Variants in TLL1 observed in about 807,000 individuals in gnomAD.
TLL1 encodes tolloid like 1.
Under a neutral mutation model 128.2 loss-of-function variants are expected in TLL1, and 49 were observed. The observed-to-expected ratio is 0.38, with a 90% CI of 0.30 to 0.48. The LOEUF is 0.48. Ranked by LOEUF, TLL1 falls within the 20% of genes least tolerant of loss-of-function variation. The probability of loss-of-function intolerance (pLI) is 0.96; values close to 1 mark genes in which losing one functional copy is unlikely to be tolerated. For synonymous variants in TLL1, 454 were observed against 418.8 expected, an observed-to-expected ratio of 1.08 and a Z score of -1.03; for missense variants, 1,123 against 1,242.0, an observed-to-expected ratio of 0.90 and a Z score of 1.44.
chr4:166,058,788 G>C (rs974189891), intron 14 of TLL1, among the ~76,000 whole-genome samples: 2 of 152,040 alleles, frequency 1.3e-5, no homozygotes, highest in Non-Finnish European at 2.9e-5. Flanking sequence ...CAAAATGTTA[G>C]TCCTCTGAAA....
chr4:165,995,237 T>A, intron 5 of TLL1, 59 bp downstream of exon 5: 2 of 1,165,674 alleles, frequency 1.7e-6, no homozygotes, highest in Non-Finnish European at 2.6e-6. Context: ...GGAAAACAAT[T>A]AAATGTCCAT....
At chr4:166,045,959 A>T (rs2111098218) in intron 12 of TLL1, among the ~76,000 whole-genome samples, 1 of 152,282 alleles carries the variant, frequency 6.6e-6, no homozygotes, top group East Asian at 1.9e-4. Flanking sequence ...ATTTTTAGTA[A>T]ATTGCACTTC....
At chr4:165,919,266 CCAACTACT>C (rs1212341291) in intron 1 of TLL1, among the ~76,000 whole-genome samples, 2 of 151,022 alleles carry the variant, frequency 1.3e-5, no homozygotes, top group Admixed American at 6.6e-5. Context: ...ACCTGTAGTC[CCAACTACT>C]TGGGAGGCTG....
intron 5 of TLL1, among the ~76,000 whole-genome samples, chr4:165,998,745 C>A (rs1455368153): frequency 6.6e-6 from 1 of 151,058 alleles, no homozygotes; most frequent in Non-Finnish European, 1.5e-5. Context: ...TGCAGTGAGC[C>A]GAGATTGCAC....
intron 9 of TLL1, among the ~76,000 whole-genome samples, chr4:166,036,496 ACG>A (rs1739008084): frequency 6.6e-6 from 1 of 152,170 alleles, no homozygotes; most frequent in Non-Finnish European, 1.5e-5. Context: ...CAATATGTTC[ACG>A]TAAAATAACA....
rs869191830 is a variant in TLL1 at position 165,963,054 on chromosome 4, C to CAAAAA, written c.170-26305_170-26301dup. ...TGGGTGACAGAGCGAGGCTCTGTCT[C>CAAAAA]AAAAAAAAAAAAAAAAAAAAAAAAA... On this transcript the variant is annotated intron_variant, in intron 1 of 20. Coordinates refer to ENST00000061240, the MANE Select transcript of TLL1 (RefSeq NM_012464.5). Among the ~76,000 whole-genome samples, 82 of 18,324 alleles carry CAAAAA rather than the reference C, an allele frequency of 4.5e-3. 13 individuals are homozygous for CAAAAA. Among genetic ancestry groups the CAAAAA allele is most frequent in the African/African-American group, 0.011 (77 of 6,992 alleles). The allele number at this position is 18,324 out of a possible 152,430, so 12.0% of individuals were successfully genotyped here.
At chr4:166,055,517 G>C (rs1000515995) in intron 13 of TLL1, among the ~76,000 whole-genome samples, 1 of 152,102 alleles carries the variant, frequency 6.6e-6, no homozygotes, top group Non-Finnish European at 1.5e-5. Context: ...AAAACAGCAA[G>C]TTCCAGAAAA....
At chr4:165,981,004 T>C (rs1736124390) in intron 1 of TLL1, among the ~76,000 whole-genome samples, 1 of 152,142 alleles carries the variant, frequency 6.6e-6, no homozygotes, top group African/African-American at 2.4e-5. Flanking sequence ...AGTGACTTAG[T>C]ATAAATGAGC....
At chr4:165,976,865 G>A (rs573700039) in intron 1 of TLL1, among the ~76,000 whole-genome samples, 1 of 152,266 alleles carries the variant, frequency 6.6e-6, no homozygotes, top group East Asian at 1.9e-4. Flanking sequence ...TTTGGATGCA[G>A]CCCAACACAA....
chr4:166,088,995 A>G (rs1362689411), intron 18 of TLL1, among the ~76,000 whole-genome samples: 1 of 152,182 alleles, frequency 6.6e-6, no homozygotes, highest in Non-Finnish European at 1.5e-5. Flanking sequence ...CATTACTTAT[A>G]GCAAATACTT....
chr4:166,050,637 A>G (rs1365496430), intron 12 of TLL1, among the ~76,000 whole-genome samples: 1 of 152,180 alleles, frequency 6.6e-6, no homozygotes, highest in Non-Finnish European at 1.5e-5. Context: ...TTTGGTTATC[A>G]AATGAAGGCA....
intron 1 of TLL1, among the ~76,000 whole-genome samples, chr4:165,950,340 C>A (rs1174770225): frequency 2.0e-5 from 3 of 151,990 alleles, no homozygotes; most frequent in Non-Finnish European, 2.9e-5. Context: ...TTTAGCATTC[C>A]CTTTGTCACT....
intron 1 of TLL1, among the ~76,000 whole-genome samples, chr4:165,957,224 C>T (rs1036408842): frequency 2.6e-5 from 4 of 152,072 alleles, no homozygotes; most frequent in African/African-American, 9.7e-5. Flanking sequence ...GACAAAATGA[C>T]TTTAAACCAA....
intron 16 of TLL1, among the ~76,000 whole-genome samples, chr4:166,073,054 G>A (rs896016337): frequency 2.0e-5 from 3 of 152,040 alleles, no homozygotes; most frequent in Non-Finnish European, 2.9e-5. Context: ...ATTTTCAAAG[G>A]AAATATGTGT....
rs1742362690 is a variant in TLL1 at position 166,103,088 on chromosome 4, G to A, written c.*2212G>A. ...TGTAGTTCAGAAAGTGAGGCTCAAAGAATTTATGTAACCTTCCCAGAGTCA... is the reference window on the plus strand; with the variant it reads ...TGTAGTTCAGAAAGTGAGGCTCAAAAAATTTATGTAACCTTCCCAGAGTCA... On this transcript the variant is annotated 3_prime_UTR_variant, in exon 21 of 21. Coordinates refer to ENST00000061240, the MANE Select transcript of TLL1 (RefSeq NM_012464.5). The A allele has an allele frequency of 6.6e-6, 1 of 151,896 alleles. No homozygotes were observed. The highest frequency in any genetic ancestry group is 2.1e-4 in the South Asian group (1 of 4,828). 9.4% of individuals were successfully genotyped at this position (151,896 alleles called of 1,614,324 possible).
intron 12 of TLL1, among the ~76,000 whole-genome samples, chr4:166,045,422 A>G (rs1739420062): frequency 6.6e-6 from 1 of 152,118 alleles, no homozygotes; most frequent in South Asian, 2.1e-4. Flanking sequence ...CAGCCAATCT[A>G]TCAGCATATA....
At chr4:165,923,698 G>A (rs1296028071) in intron 1 of TLL1, among the ~76,000 whole-genome samples, 3 of 152,048 alleles carry the variant, frequency 2.0e-5, no homozygotes, top group African/African-American at 4.8e-5. Flanking sequence ...GCTTCCCAAA[G>A]TGCTAGGATT....
At chr4:165,934,977 T>C (rs1047534923) in intron 1 of TLL1, among the ~76,000 whole-genome samples, 1 of 152,190 alleles carries the variant, frequency 6.6e-6, no homozygotes, top group Admixed American at 6.5e-5. Flanking sequence ...GTTTGTTATT[T>C]TGTTACAGCG....
At chr4:165,930,100 A>G (rs751525758) in intron 1 of TLL1, among the ~76,000 whole-genome samples, 7 of 152,156 alleles carry the variant, frequency 4.6e-5, no homozygotes, top group Non-Finnish European at 4.4e-5. Context: ...TGATTTGGCC[A>G]CTAAGTTAAG....
Sources: gnomAD v4.1 joint callset for allele counts (sites outside exome capture counted in the v4.1 genomes callset) on GRCh38, gnomAD v4.1.1 for gene constraint, MANE v1.5 for transcripts, NCBI Gene and HGNC (gene_info 2026-07-23, HGNC 2026-07-21) for gene names.